The following ZNF214 variants were observed in gnomAD, a reference collection of about 807,000 sequenced individuals.
ZNF214 encodes zinc finger protein 214.
ZNF214 carries 43 observed loss-of-function variants against 53.9 expected under a neutral mutation model. The ratio of observed to expected loss-of-function variants is 0.80; its 90% CI spans 0.63 to 1.03. ZNF214 has a LOEUF of 1.03. Among genes scored for constraint, ZNF214 ranks in the 50% least tolerant of loss-of-function variants. The pLI is 0.00. For synonymous variants in ZNF214, 217 were observed against 229.5 expected, an observed-to-expected ratio of 0.95 and a Z score of 0.49; for missense variants, 724 against 719.1, an observed-to-expected ratio of 1.01 and a Z score of -0.08.
intron 1 of ZNF214, among the ~76,000 whole-genome samples, chr11:7,014,436 G>T (rs1851698595): frequency 6.6e-6 from 1 of 152,152 alleles, no homozygotes. Flanking sequence ...AATCAACATC[G>T]ATGCACTGTA....
intron 1 of ZNF214, among the ~76,000 whole-genome samples, chr11:7,006,624 T>C (rs1648882567): frequency 6.6e-6 from 1 of 152,002 alleles, no homozygotes; most frequent in African/African-American, 2.4e-5. Context: ...AGAGAAAGAT[T>C]TCTGTTTTTC....
chr11:7,011,787 G>C (rs1851611856), intron 1 of ZNF214, among the ~76,000 whole-genome samples: 2 of 151,862 alleles, frequency 1.3e-5, no homozygotes. Context: ...TAAATTAAGA[G>C]AGTTCAGCAA....
intron 1 of ZNF214, among the ~76,000 whole-genome samples, chr11:7,017,910 G>A (rs1037742447): frequency 2.0e-5 from 3 of 152,158 alleles, no homozygotes; most frequent in Admixed American, 2.0e-4. Flanking sequence ...TATTTACTGA[G>A]TGCTTAGTAT....
At chr11:7,013,174 T>C (rs1398721736) in intron 1 of ZNF214, among the ~76,000 whole-genome samples, 1 of 152,216 alleles carries the variant, frequency 6.6e-6, no homozygotes, top group Non-Finnish European at 1.5e-5. Flanking sequence ...TTTTTATGAC[T>C]TAGCCTTGGA....
At position 6,998,964 on chromosome 11, in the gene ZNF214, T is replaced by A. The variant is rs952898374; in HGVS notation, c.*898A>T. On this transcript the variant is annotated 3_prime_UTR_variant, in exon 3 of 3. Coordinates refer to ENST00000278314, the MANE Select transcript of ZNF214 (RefSeq NM_013249.4). Reference sequence around the variant, plus strand: ...TTTACATAATTAGCTTCAGGGTTCATCGTTGCACAGAGTTCTGAGTTCAAT... The same window carrying A: ...TTTACATAATTAGCTTCAGGGTTCAACGTTGCACAGAGTTCTGAGTTCAAT... Among the ~76,000 whole-genome samples the A allele has an allele frequency of 7.2e-5, 11 of 152,026 alleles. No homozygotes were observed. Among genetic ancestry groups the A allele is most frequent in the African/African-American group, 2.2e-4 (9 of 41,436 alleles).
chr11:7,015,349 G>T (rs184216725), intron 1 of ZNF214, among the ~76,000 whole-genome samples: 4 of 152,164 alleles, frequency 2.6e-5, no homozygotes, highest in South Asian at 4.1e-4. Flanking sequence ...AGGCCAAGGT[G>T]GGCGGATCAC....
chr11:6,997,490 G>A lies in ZNF214; in HGVS notation c.*2372C>T, dbSNP rs565238384. On this transcript the variant is annotated 3_prime_UTR_variant, in exon 3 of 3. Transcript: ENST00000278314. ...CTTGGGGATTTTTTTGGTAGTCATT[G>A]CTACAGAGACTGAATAATTTTTGCT... Among the ~76,000 whole-genome samples the A allele has an allele frequency of 6.6e-6, 1 of 150,914 alleles. No homozygotes were observed. Among genetic ancestry groups the A allele is most frequent in the South Asian group, 2.1e-4 (1 of 4,808 alleles).
In ZNF214 at chr11:7,000,450, C is replaced by A; in HGVS notation, c.1233G>T (p.Glu411Asp). 1.2e-6 allele frequency: 2 copies of A among 1,613,360 alleles called. No individual in the cohort carries two copies. Among genetic ancestry groups the A allele is most frequent in the Non-Finnish European group, 1.7e-6 (2 of 1,179,594 alleles). The change falls in exon 3 of 3, where the codon GAG (glutamate) becomes GAT (aspartate). Residue 411 changes from glutamate to aspartate, a missense_variant. Coordinates refer to ENST00000278314, the MANE Select transcript of ZNF214 (RefSeq NM_013249.4). ...LRIHQLVHTG[E>D]KSYKCEDCGK... Reference sequence around the variant, plus strand: ...CACAGTCTTCACATTTATAAGACTTCTCTCCTGTGTGTACTAACTGATGAA... The same window carrying A: ...CACAGTCTTCACATTTATAAGACTTATCTCCTGTGTGTACTAACTGATGAA...
At position 7,000,737 on chromosome 11, in the gene ZNF214, A is replaced by G; in HGVS notation, c.946T>C (p.Ser316Pro). ...ACTCTTTGATGATTGTGAAGACTAG[A>G]GATCTGGCTGAAGCTCTTACCACAT... The part of the protein sequence containing the change: ...NACGKSFSQI[S>P]SLHNHQRVHT... The change falls in exon 3 of 3, where the codon TCT (serine) becomes CCT (proline). Residue 316 changes from serine (S) to proline (P), a missense_variant. Transcript: ENST00000278314. 1.2e-6 allele frequency: 2 copies of G among 1,610,854 alleles called. No homozygotes were observed. The highest frequency in any genetic ancestry group is 1.7e-6 in the Non-Finnish European group (2 of 1,179,236).
intron 1 of ZNF214, among the ~76,000 whole-genome samples, chr11:7,018,556 C>T (rs2119503575): frequency 8.1e-6 from 1 of 122,916 alleles, no homozygotes; most frequent in Admixed American, 1.1e-4. Context: ...GGTTGGAGTG[C>T]AGTGGTGCCA....
At chr11:7,011,625 C>T (rs1380449227) in intron 1 of ZNF214, among the ~76,000 whole-genome samples, 2 of 151,976 alleles carry the variant, frequency 1.3e-5, no homozygotes, top group Admixed American at 6.6e-5. Context: ...GAATGACCAC[C>T]GTCACTGCTG....
rs1851272399 is a variant in ZNF214, at chr11:6,999,710, TG to T, written c.*151del. 2.5e-6 allele frequency: 2 copies of T among 810,502 alleles called. No individual in the cohort carries two copies. Among genetic ancestry groups the T allele is most frequent in the Non-Finnish European group, 1.8e-6 (1 of 557,912 alleles). The allele number at this position is 810,502 out of a possible 1,614,324, so 50.2% of individuals were successfully genotyped here. Reference sequence around the variant, plus strand: ...AGGGTTTTTTCTAAAGATCTCCTTTTGAAGCAAATAATTCTTAGTGGGAGAT... The same window carrying T: ...AGGGTTTTTTCTAAAGATCTCCTTTTAAGCAAATAATTCTTAGTGGGAGAT... On this transcript the variant is annotated 3_prime_UTR_variant, in exon 3 of 3. Coordinates refer to ENST00000278314, the MANE Select transcript of ZNF214 (RefSeq NM_013249.4).
chr11:7,015,755 A>G (rs1046802778), intron 1 of ZNF214: 1 of 152,214 alleles, frequency 6.6e-6, no homozygotes, highest in Non-Finnish European at 1.5e-5. Context: ...GAGCTGTAAC[A>G]AACTGATTTT....
rs1485945806 is a variant in ZNF214, at chr11:6,999,733, A to T, written c.*129T>A. ...TTTGAAGCAAATAATTCTTAGTGGG[A>T]GATAGGGGAAACTATAAATGTTGCT... On this transcript the variant is annotated 3_prime_UTR_variant, in exon 3 of 3. Transcript: ENST00000278314. 5.0e-5 allele frequency: 49 copies of T among 979,984 alleles called. No homozygotes were observed. Among genetic ancestry groups the T allele is most frequent in the Non-Finnish European group, 5.9e-5 (41 of 696,884 alleles). 60.7% of individuals were successfully genotyped at this position (979,984 alleles called of 1,614,324 possible). A position where few individuals can be genotyped will look rare whatever the true frequency, so the allele number is the denominator to read the frequency against.
chr11:7,012,182 C>T (rs939964299), intron 1 of ZNF214, among the ~76,000 whole-genome samples: 1 of 152,092 alleles, frequency 6.6e-6, no homozygotes, highest in Non-Finnish European at 1.5e-5. Flanking sequence ...ACAAATAGAC[C>T]AGTAGAACAG....
chr11:7,017,775 T>C (rs887868597), intron 1 of ZNF214, among the ~76,000 whole-genome samples: 6 of 150,254 alleles, frequency 4.0e-5, no homozygotes, highest in Non-Finnish European at 5.9e-5. Context: ...AAGCATACTA[T>C]ATACCTAGAA....
chr11:7,009,710 G>T (rs1418567849), intron 1 of ZNF214, among the ~76,000 whole-genome samples: 1 of 152,024 alleles, frequency 6.6e-6, no homozygotes, highest in East Asian at 1.9e-4. Context: ...AATCGATGAA[G>T]AATTTAAACA....
Position 7,014,804 on chromosome 11 carries a change from C to CAAA in ZNF214, c.-21+5266_-21+5268dup, listed in dbSNP as rs1280725156. ...CAACATGGCGAAACCCTGTCTCTAACAAAAAAAAAAAAAAACAAAAAAAAA... is the reference window on the plus strand; with the variant it reads ...CAACATGGCGAAACCCTGTCTCTAACAAAAAAAAAAAAAAAAAACAAAAAAAAA... On this transcript the variant is annotated intron_variant, in intron 1 of 2. Coordinates refer to ENST00000278314, the MANE Select transcript of ZNF214 (RefSeq NM_013249.4). Among the ~76,000 whole-genome samples the CAAA allele has an allele frequency of 9.8e-3, 600 of 60,964 alleles. 2 individuals are homozygous for CAAA. The highest frequency in any genetic ancestry group is 0.016 in the Middle Eastern group (2 of 122). 40.0% of individuals were successfully genotyped at this position (60,964 alleles called of 152,430 possible).
rs185524415 is a variant in ZNF214, at chr11:7,014,896, A to G, written c.-21+5177T>C. Among the ~76,000 whole-genome samples the G allele has an allele frequency of 5.3e-5, 8 of 151,966 alleles. No individual in the cohort carries two copies. The East Asian group carries it at 1.6e-3, about 29-fold the overall frequency. On this transcript the variant is annotated intron_variant, in intron 1 of 2. Coordinates refer to ENST00000278314, the MANE Select transcript of ZNF214 (RefSeq NM_013249.4). The stretch of plus-strand genomic sequence containing the variant: ...GCTACTGGACTCCAGGCTGGGAGAG[A>G]AAGCAGTCTGTCTTAAAAAGAAAAA...
Sources: gnomAD v4.1 joint callset for allele counts (sites outside exome capture counted in the v4.1 genomes callset) on GRCh38, gnomAD v4.1.1 for gene constraint, MANE v1.5 for transcripts, NCBI Gene and HGNC (gene_info 2026-07-23, HGNC 2026-07-21) for gene names.